Variants in TCAF1 observed in about 807,000 individuals in gnomAD.
TCAF1 encodes the protein TRPM8 channel associated factor 1, also known as TRPM8 channel-associated factor 1.
In TCAF1, 4 loss-of-function variants were observed where a neutral mutation model predicts 27.3. That is an observed-to-expected ratio of 0.15 (90% CI 0.07 to 0.34). TCAF1 has a LOEUF of 0.34. Among genes scored for constraint, TCAF1 ranks in the 10% least tolerant of loss-of-function variants. The pLI is 1.00. For synonymous variants in TCAF1, 105 were observed against 167.1 expected (o/e 0.63, Z 2.87); for missense variants, 257 against 425.8 (o/e 0.60, Z 3.49).
chr7:143,882,919 T>TGGAG (rs1813155729), intron 1 of TCAF1: 2 of 968,452 alleles, frequency 2.1e-6, no homozygotes, highest in Non-Finnish European at 2.5e-6. Context: ...TCCTCCCCAC[T>TGGAG]TCCTCCCAGG....
intron 1 of TCAF1, among the ~76,000 whole-genome samples, chr7:143,883,644 T>A (rs976920476): frequency 3.3e-5 from 5 of 151,956 alleles, no homozygotes; most frequent in Admixed American, 1.3e-4. Flanking sequence ...TAGCTGGGAT[T>A]ACAGGCGCCC....
intron 1 of TCAF1, among the ~76,000 whole-genome samples, chr7:143,888,312 G>C (rs948709286): frequency 2.6e-5 from 4 of 152,296 alleles, no homozygotes; most frequent in Admixed American, 6.5e-5. Context: ...TCACCACAAT[G>C]CTTCCACAAA....
chr7:143,895,736 G>A (rs866120383), intron 1 of TCAF1, among the ~76,000 whole-genome samples: 12 of 151,320 alleles, frequency 7.9e-5, no homozygotes, highest in African/African-American at 2.4e-4. Context: ...TGATACTTGC[G>A]GGGTAAGAGA....
At chr7:143,859,810 C>T (rs1228224652) in intron 6 of TCAF1, among the ~76,000 whole-genome samples, 5 of 149,118 alleles carry the variant, frequency 3.4e-5, no homozygotes, top group Middle Eastern at 3.4e-3. Flanking sequence ...CCTGTGAAAG[C>T]TCAGGTGGCA....
At chr7:143,897,197 C>A (rs1813923299) in intron 1 of TCAF1, among the ~76,000 whole-genome samples, 1 of 126,356 alleles carries the variant, frequency 7.9e-6, no homozygotes. Flanking sequence ...AACACTTCAT[C>A]CTTGAATAAT....
chr7:143,882,971 G>A, intron 1 of TCAF1: 1 of 726,436 alleles, frequency 1.4e-6, no homozygotes, highest in Non-Finnish European at 1.7e-6. Flanking sequence ...GCGGGGGACA[G>A]CGCTTCTTTG....
chr7:143,852,083 G>C lies in TCAF1; in HGVS notation c.*2050C>G, dbSNP rs556464178. The C allele has an allele frequency of 6.6e-6, 1 of 151,472 alleles. No homozygotes were observed. Among genetic ancestry groups the C allele is most frequent in the African/African-American group, 2.4e-5 (1 of 41,240 alleles). 9.4% of individuals were successfully genotyped at this position (151,472 alleles called of 1,614,324 possible). ...CTACACACCCAATATCATCATGCCT[G>C]TGCCATAGAAAAGGAAATGTACCTA... On this transcript the variant is annotated 3_prime_UTR_variant, in exon 9 of 9. Transcript: ENST00000479870.
chr7:143,896,740 T>A (rs1813885400), intron 1 of TCAF1, among the ~76,000 whole-genome samples: 1 of 152,010 alleles, frequency 6.6e-6, no homozygotes, highest in South Asian at 2.1e-4. Flanking sequence ...TATAAATAAT[T>A]AAAGCTACAT....
Position 143,860,000 on chromosome 7 carries a change from TA to T in TCAF1, c.2167+207del, listed in dbSNP as rs1356466808. The stretch of plus-strand genomic sequence containing the variant: ...TATATATTATATAATATATATTATA[TA>T]ATATATATATAATATATATTATATA... On this transcript the variant is annotated intron_variant, in intron 6 of 8. Transcript: ENST00000479870. Among the ~76,000 whole-genome samples, 86 of 12,410 alleles carry T rather than the reference TA, an allele frequency of 6.9e-3. 3 individuals carry two copies. Among genetic ancestry groups the T allele is most frequent in the South Asian group, 0.013 (2 of 152 alleles). 8.1% of individuals were successfully genotyped at this position (12,410 alleles called of 152,430 possible). A position where few individuals can be genotyped will look rare whatever the true frequency, so the allele number is the denominator to read the frequency against.
At chr7:143,900,646 G>A (rs575541560) in intron 1 of TCAF1, among the ~76,000 whole-genome samples, 1 of 152,236 alleles carries the variant, frequency 6.6e-6, no homozygotes, top group East Asian at 1.9e-4. Context: ...CACAGAAACT[G>A]TAAGATAGGA....
chr7:143,886,693 ATTTTACCTTTT>A (rs1350184991), intron 1 of TCAF1, among the ~76,000 whole-genome samples: 1 of 132,148 alleles, frequency 7.6e-6, no homozygotes, highest in Non-Finnish European at 1.6e-5. Flanking sequence ...GCTTCCTCAA[ATTTTACCTTTT>A]TTTTTTTTTT....
intron 1 of TCAF1, among the ~76,000 whole-genome samples, chr7:143,886,866 ATTT>A (rs56317170): frequency 0.16 from 18,350 of 114,748 alleles, 1,546 homozygotes; most frequent in African/African-American, 0.27. Flanking sequence ...GAGTTTTTGT[ATTT>A]TTTTTTTTTT....
At chr7:143,860,014 T>TGTA (rs1232039921) in intron 6 of TCAF1, among the ~76,000 whole-genome samples, 194 bp downstream of exon 6, 6 of 53,600 alleles carry the variant, frequency 1.1e-4, no homozygotes, top group Non-Finnish European at 2.1e-4. Context: ...ATATATATAA[T>TGTA]ATATATTATA....
Position 143,876,393 on chromosome 7 carries a change from C to A in TCAF1, c.216G>T (p.Gln72His). 6.2e-7 allele frequency: 1 copy of A among 1,613,976 alleles called. No individual in the cohort carries two copies. The highest frequency in any genetic ancestry group is 8.5e-7 in the Non-Finnish European group (1 of 1,179,918). ...CTGCGTTCAGGAGAAAGGGCGTGAG[C>A]TGGGCTTCCACCAAGTAGTCCTCAT... ...VSHEDYLVEA[Q>H]LTPFLLNAVG... is the part of the protein sequence containing the mutation. Residue 72 changes from glutamine (Q) to histidine (H), a missense_variant, in exon 2 of 9, where the codon CAG (glutamine) becomes CAT (histidine). By Grantham distance (24) the Gln-to-His change is conservative. This residue lies in a region of TCAF1 where 255 missense variants were observed against 260.1 expected (regional missense o/e 0.98). Coordinates refer to ENST00000479870, the MANE Select transcript of TCAF1 (RefSeq NM_014719.3).
chr7:143,874,528 A>G (rs1466931524), intron 2 of TCAF1, among the ~76,000 whole-genome samples: 2 of 131,548 alleles, frequency 1.5e-5, no homozygotes, highest in Non-Finnish European at 3.2e-5. Flanking sequence ...GCATTTGGGC[A>G]TTTAGAGTAT....
intron 1 of TCAF1, among the ~76,000 whole-genome samples, chr7:143,881,220 T>C (rs1327365715): frequency 1.3e-5 from 2 of 152,254 alleles, no homozygotes; most frequent in African/African-American, 2.4e-5. Flanking sequence ...AGTAAGTGTC[T>C]GAGGCCAGAG....
intron 1 of TCAF1, among the ~76,000 whole-genome samples, chr7:143,878,125 G>C (rs1488777952): frequency 1.3e-5 from 2 of 152,082 alleles, no homozygotes; most frequent in African/African-American, 4.8e-5. Context: ...TTGTCCTGAG[G>C]ATTAAGGGAA....
At chr7:143,882,772 G>T in intron 1 of TCAF1, 1 of 985,882 alleles carries the variant, frequency 1.0e-6, no homozygotes, top group Non-Finnish European at 1.2e-6. Flanking sequence ...GCAGGTGGGA[G>T]CGGGCAGAGC....
chr7:143,890,216 A>G lies in TCAF1; in HGVS notation c.-15+11745T>C, dbSNP rs930211722. ...ACAGGGTTTCACCATGTTAGCCAGGATGGTCTCGATTTCCTGACCTTGTGA... is the reference window on the plus strand; with the variant it reads ...ACAGGGTTTCACCATGTTAGCCAGGGTGGTCTCGATTTCCTGACCTTGTGA... On this transcript the variant is annotated intron_variant, in intron 1 of 8. Coordinates refer to ENST00000479870, the MANE Select transcript of TCAF1 (RefSeq NM_014719.3). Among the ~76,000 whole-genome samples, 4 of 151,614 alleles carry G rather than the reference A, an allele frequency of 2.6e-5. No individual in the cohort carries two copies. The South Asian group carries it at 8.4e-4, about 32-fold the overall frequency.
Sources: gnomAD v4.1 joint callset for allele counts (sites outside exome capture counted in the v4.1 genomes callset) on GRCh38, gnomAD v4.1.1 for gene constraint, gnomAD v4.1.1 regional missense constraint, MANE v1.5 for transcripts, NCBI Gene and HGNC (gene_info 2026-07-23, HGNC 2026-07-21) for gene names.